OTOGL: variants seen among roughly 807,000 people sequenced by gnomAD.
OTOGL encodes the protein otogelin-like protein.
In OTOGL, 285 loss-of-function variants were observed where a neutral mutation model predicts 318.5. The ratio of observed to expected loss-of-function variants is 0.89; its 90% CI spans 0.81 to 0.99. The LOEUF (loss-of-function observed/expected upper bound fraction) is 0.99, where lower values mean the gene tolerates loss of function less well. Ranked by LOEUF, OTOGL falls within the 50% of genes least tolerant of loss-of-function variation. The probability of loss-of-function intolerance (pLI) is 0.00; values close to 1 mark genes in which losing one functional copy is unlikely to be tolerated. For missense variants in OTOGL, 2,899 were observed against 2,845.6 expected (o/e 1.02, Z -0.43); for synonymous variants, 987 against 936.5 (o/e 1.05, Z -0.99).
At chr12:80,241,944 A>AG (rs1880416676) in intron 11 of OTOGL, among the ~76,000 whole-genome samples, 1 of 152,048 alleles carries the variant, frequency 6.6e-6, no homozygotes, top group African/African-American at 2.4e-5. Flanking sequence ...TTAAAAAGGG[A>AG]GAAAAAAAAC....
chr12:80,262,336 A>G (rs1882614341), intron 19 of OTOGL, among the ~76,000 whole-genome samples: 1 of 151,674 alleles, frequency 6.6e-6, no homozygotes, highest in Non-Finnish European at 1.5e-5. Context: ...TATTTCATAA[A>G]TTTTCTTATT....
At chr12:80,239,109 C>A in intron 10 of OTOGL, 131 bp downstream of exon 10, 1 of 1,164,916 alleles carries the variant, frequency 8.6e-7, no homozygotes, top group Non-Finnish European at 1.1e-6. Context: ...AATGTAATTG[C>A]AATAGGAAAT....
At chr12:80,116,334 G>A (rs1328751849) in intron 1 of OTOGL, among the ~76,000 whole-genome samples, 1 of 151,954 alleles carries the variant, frequency 6.6e-6, no homozygotes, top group African/African-American at 2.4e-5. Context: ...CTTCCCAGGT[G>A]AGGTCGTGCC....
chr12:80,277,204 GTTT>G (rs1296959642), intron 24 of OTOGL, among the ~76,000 whole-genome samples: 1 of 145,638 alleles, frequency 6.9e-6, no homozygotes, highest in East Asian at 2.0e-4. Flanking sequence ...CAAATTTAAT[GTTT>G]TTATCTTTAT....
At chr12:80,275,416 A>C (rs1390003010) in intron 24 of OTOGL, among the ~76,000 whole-genome samples, 1 of 151,982 alleles carries the variant, frequency 6.6e-6, no homozygotes, top group Non-Finnish European at 1.5e-5. Context: ...CAATCTCATG[A>C]TAAAACTTGA....
At chr12:80,144,563 A>G (rs1231328910) in intron 1 of OTOGL, among the ~76,000 whole-genome samples, 2 of 151,392 alleles carry the variant, frequency 1.3e-5, no homozygotes, top group African/African-American at 2.4e-5. Context: ...TCCTTTGGGT[A>G]TATATCCAGT....
chr12:80,147,540 G>C (rs925769361), intron 1 of OTOGL, among the ~76,000 whole-genome samples: 2 of 151,722 alleles, frequency 1.3e-5, no homozygotes, highest in African/African-American at 4.9e-5. Flanking sequence ...TGGTGATTTG[G>C]GGTGGAGAGT....
At chr12:80,267,726 T>C (rs893623928) in intron 22 of OTOGL, among the ~76,000 whole-genome samples, 2 of 151,680 alleles carry the variant, frequency 1.3e-5, no homozygotes, top group Non-Finnish European at 2.9e-5. Context: ...AAGATAACAA[T>C]GTAATCTTTA....
At chr12:80,350,068 C>T (rs950830399) in intron 44 of OTOGL, among the ~76,000 whole-genome samples, 6 of 152,210 alleles carry the variant, frequency 3.9e-5, no homozygotes, top group African/African-American at 1.4e-4. Flanking sequence ...ATCTTCCCAT[C>T]ACTTCAGTCC....
intron 1 of OTOGL, among the ~76,000 whole-genome samples, chr12:80,147,691 AG>A (rs1872491141): frequency 6.6e-6 from 1 of 152,052 alleles, no homozygotes; most frequent in African/African-American, 2.4e-5. Context: ...TGGGAGTCTA[AG>A]TCTCTTTGTA....
At chr12:80,336,604 A>C in intron 40 of OTOGL, 49 bp downstream of exon 40, 1 of 1,550,188 alleles carries the variant, frequency 6.5e-7, no homozygotes, top group Non-Finnish European at 8.8e-7. Flanking sequence ...ATCTATAGCT[A>C]ATGTCTATTG....
chr12:80,252,043 A>G (rs1321658759), intron 12 of OTOGL, 33 bp from the exon 13 acceptor site: 1 of 1,468,044 alleles, frequency 6.8e-7, no homozygotes, highest in Non-Finnish European at 9.0e-7. Context: ...GGCTAATAAA[A>G]TTGACTTAAG....
chr12:80,127,052 A>G (rs987811213), intron 1 of OTOGL, among the ~76,000 whole-genome samples: 5 of 152,114 alleles, frequency 3.3e-5, no homozygotes, highest in Non-Finnish European at 7.4e-5. Flanking sequence ...TTTAAGGTTG[A>G]TATTGTTATG....
intron 46 of OTOGL, among the ~76,000 whole-genome samples, chr12:80,353,833 A>G (rs1207746580): frequency 6.6e-6 from 1 of 152,208 alleles, no homozygotes; most frequent in South Asian, 2.1e-4. Context: ...TTTTACTCCT[A>G]TGAGTCTCAG....
chr12:80,234,305 A>G (rs1238832783), intron 9 of OTOGL, among the ~76,000 whole-genome samples: 1 of 152,182 alleles, frequency 6.6e-6, no homozygotes, highest in Non-Finnish European at 1.5e-5. Context: ...GGGTTGGATT[A>G]CAGACCTGAC....
At chr12:80,210,045 G>A in intron 2 of OTOGL, among the ~76,000 whole-genome samples, 1 of 151,908 alleles carries the variant, frequency 6.6e-6, no homozygotes, top group East Asian at 1.9e-4. Context: ...TATTTTTATG[G>A]TAATTTTATT....
chr12:80,341,301 C>T (rs1238338008), intron 43 of OTOGL, among the ~76,000 whole-genome samples: 1 of 152,116 alleles, frequency 6.6e-6, no homozygotes, highest in Non-Finnish European at 1.5e-5. Flanking sequence ...CTAGAATTCC[C>T]AGTTCAAGTC....
In OTOGL at chr12:80,349,768, G is replaced by A. The variant is rs138232066; in HGVS notation, c.5266-2527G>A. On this transcript the variant is annotated intron_variant, in intron 44 of 58. Coordinates refer to ENST00000547103, the MANE Select transcript of OTOGL (RefSeq NM_001378609.3). ...ATTGAAAAGAAAGTCAAATCTTAGG[G>A]TTTTTTTCTGCATCTTCAAAAATAT... Among the ~76,000 whole-genome samples the A allele has an allele frequency of 2.2e-3, 332 of 152,160 alleles. 1 individual carries two copies. Among genetic ancestry groups the A allele is most frequent in the African/African-American group, 7.6e-3 (314 of 41,510 alleles).
intron 43 of OTOGL, 126 bp from the exon 44 acceptor site, chr12:80,341,822 T>C: frequency 1.5e-6 from 1 of 672,606 alleles, no homozygotes; most frequent in South Asian, 2.1e-5. Flanking sequence ...AGTTCAAGGA[T>C]ACATAAACTT....
Sources: gnomAD v4.1 joint callset for allele counts (sites outside exome capture counted in the v4.1 genomes callset) on GRCh38, gnomAD v4.1.1 for gene constraint, MANE v1.5 for transcripts, NCBI Gene and HGNC (gene_info 2026-07-23, HGNC 2026-07-21) for gene names.